The following CFAP70 variants were observed in gnomAD, a reference collection of about 807,000 sequenced individuals.
CFAP70 encodes cilia- and flagella-associated protein 70.
A neutral mutation model predicts 137.6 loss-of-function variants in CFAP70; 81 were observed. That is an observed-to-expected ratio of 0.59 (90% confidence interval 0.49 to 0.71). CFAP70 has a LOEUF of 0.71. Among genes scored for constraint, CFAP70 ranks in the 30% least tolerant of loss-of-function variants. The pLI is 0.00. For synonymous variants in CFAP70, 382 were observed against 423.6 expected (o/e 0.90, Z 1.20); for missense variants, 976 against 1,226.7 (o/e 0.80, Z 3.05).
intron 6 of CFAP70, among the ~76,000 whole-genome samples, chr10:73,339,170 G>A (rs1029207663): frequency 2.0e-5 from 3 of 151,800 alleles, no homozygotes; most frequent in South Asian, 2.1e-4. Context: ...CACCTGTCTC[G>A]GCCTCCCAAA....
At chr10:73,359,562 C>CAAGT (rs1187012839), upstream of CFAP70, among the ~76,000 whole-genome samples, 1 of 152,092 alleles carries the variant, frequency 6.6e-6, no homozygotes, top group Non-Finnish European at 1.5e-5. Flanking sequence ...TAGGAATATG[C>CAAGT]AAGTCCGTGT....
chr10:73,316,483 TATAG>T (rs1223101927), intron 9 of CFAP70, among the ~76,000 whole-genome samples: 1,138 of 111,526 alleles, frequency 0.01, 12 homozygotes, highest in African/African-American at 0.032. Flanking sequence ...TATATATAGA[TATAG>T]ATATATATAT....
intron 8 of CFAP70, among the ~76,000 whole-genome samples, chr10:73,324,450 C>T (rs1329039007): frequency 6.6e-6 from 1 of 152,224 alleles, no homozygotes; most frequent in African/African-American, 2.4e-5. Context: ...CAAAGGAACG[C>T]AGTTCCTCAC....
chr10:73,353,717 A>G (rs751937679), exon 3 of CFAP70: 1 of 1,614,182 alleles, frequency 6.2e-7, no homozygotes, highest in Non-Finnish European at 8.5e-7. Flanking sequence ...AATAAAGGTA[A>G]CTGGAGTATC....
At chr10:73,340,410 T>C (rs557144629) in intron 6 of CFAP70, among the ~76,000 whole-genome samples, 1 of 152,294 alleles carries the variant, frequency 6.6e-6, no homozygotes, top group African/African-American at 2.4e-5. Context: ...GACTGATCCA[T>C]GGGAGGCCAT....
intron 3 of CFAP70, among the ~76,000 whole-genome samples, chr10:73,351,856 C>T (rs1404246484): frequency 6.6e-6 from 1 of 152,262 alleles, no homozygotes; most frequent in Admixed American, 6.5e-5. Context: ...CTGTTTTCAG[C>T]TGGCTTTTTC....
chr10:73,341,060 G>A (rs1264177781), intron 6 of CFAP70, among the ~76,000 whole-genome samples: 1 of 152,162 alleles, frequency 6.6e-6, no homozygotes, highest in African/African-American at 2.4e-5. Context: ...TCACTACTAG[G>A]GTAATGAGAT....
chr10:73,282,789 T>A (rs1276496130), intron 19 of CFAP70, among the ~76,000 whole-genome samples: 1 of 152,036 alleles, frequency 6.6e-6, no homozygotes, highest in Non-Finnish European at 1.5e-5. Context: ...TAGATATGCG[T>A]TGATCATTTC....
intron 19 of CFAP70, among the ~76,000 whole-genome samples, chr10:73,289,863 T>C (rs112880006): frequency 0.1 from 15,519 of 151,744 alleles, 1,145 homozygotes; most frequent in East Asian, 0.3. Flanking sequence ...CTGGGCAACA[T>C]GGTGAAACCC....
upstream of CFAP70, among the ~76,000 whole-genome samples, chr10:73,359,747 G>T (rs757135840): frequency 2.0e-5 from 3 of 152,066 alleles, no homozygotes; most frequent in Non-Finnish European, 4.4e-5. Context: ...ATAGAATACT[G>T]GCGTGATTTT....
At chr10:73,304,656 T>C (rs2049230446) in intron 12 of CFAP70, among the ~76,000 whole-genome samples, 1 of 152,134 alleles carries the variant, frequency 6.6e-6, no homozygotes, top group Non-Finnish European at 1.5e-5. Context: ...CTGTAAATTT[T>C]TTGGAAGGCA....
intron 3 of CFAP70, among the ~76,000 whole-genome samples, chr10:73,351,489 A>G (rs1341227472): frequency 6.6e-6 from 1 of 151,918 alleles, no homozygotes; most frequent in Non-Finnish European, 1.5e-5. Context: ...GCTGGAGTGC[A>G]GTGGTATGAT....
At chr10:73,320,403 A>G (rs1192657288) in intron 9 of CFAP70, among the ~76,000 whole-genome samples, 1 of 152,050 alleles carries the variant, frequency 6.6e-6, no homozygotes, top group Admixed American at 6.6e-5. Flanking sequence ...AGCTCACTGC[A>G]GCCTTGACCT....
chr10:73,312,726 A>G, intron 9 of CFAP70, 83 bp from the exon 11 acceptor site: 2 of 1,239,464 alleles, frequency 1.6e-6, no homozygotes, highest in Non-Finnish European at 2.2e-6. Context: ...TTTACCATTT[A>G]GTCTTCCAAA....
At chr10:73,336,978 C>T (rs1564864434) in intron 6 of CFAP70, among the ~76,000 whole-genome samples, 1 of 151,798 alleles carries the variant, frequency 6.6e-6, no homozygotes, top group Non-Finnish European at 1.5e-5. Flanking sequence ...ACAGCAAGTA[C>T]AAATAAAGAA....
At chr10:73,331,358 T>C in intron 7 of CFAP70, 82 bp from the exon 9 acceptor site, 1 of 1,193,248 alleles carries the variant, frequency 8.4e-7, no homozygotes, top group Non-Finnish European at 1.2e-6. Context: ...ATATTCTCTT[T>C]TAGAAAGTAA....
chr10:73,346,592 G>A (rs1375198502), intron 4 of CFAP70, among the ~76,000 whole-genome samples: 3 of 150,816 alleles, frequency 2.0e-5, no homozygotes, highest in Admixed American at 2.0e-4. Context: ...GCAGTGAGCC[G>A]AGATCACACA....
intron 25 of CFAP70, among the ~76,000 whole-genome samples, chr10:73,257,093 ATGT>A (rs2044601932): frequency 6.6e-6 from 1 of 151,992 alleles, no homozygotes; most frequent in African/African-American, 2.4e-5. Flanking sequence ...TTCATTATTG[ATGT>A]TGTTTTTAGT....
exon 27 of CFAP70, chr10:73,254,034 G>C: frequency 2.5e-6 from 4 of 1,585,994 alleles, no homozygotes; most frequent in Non-Finnish European, 1.7e-6. Flanking sequence ...TCTGCAAGCA[G>C]AGCCTCATCT....
Sources: allele counts gnomAD v4.1 joint callset (sites outside exome capture counted in the v4.1 genomes callset), GRCh38; gene constraint gnomAD v4.1.1; transcripts MANE v1.5; gene names NCBI Gene and HGNC (gene_info 2026-07-23, HGNC 2026-07-21).